Variants in ITGB5 observed in about 807,000 individuals in gnomAD.
ITGB5 encodes the protein integrin subunit beta 5.
A neutral mutation model predicts 84.8 loss-of-function variants in ITGB5; 38 were observed. The observed-to-expected ratio is 0.45, with a 90% confidence interval of 0.35 to 0.59. ITGB5 has a LOEUF of 0.59. Among genes scored for constraint, ITGB5 ranks in the 20% least tolerant of loss-of-function variants. ITGB5 has a pLI of 0.01. For missense variants in ITGB5, 905 were observed against 1,034.5 expected, an observed-to-expected ratio of 0.87 and a Z score of 1.72; for synonymous variants, 393 against 414.4, an observed-to-expected ratio of 0.95 and a Z score of 0.63.
chr3:124,888,732 C>T (rs1934927394), upstream of ITGB5, among the ~76,000 whole-genome samples: 2 of 152,152 alleles, frequency 1.3e-5, no homozygotes, highest in African/African-American at 4.8e-5. Context: ...AAAACTGAAG[C>T]AGTAAGGGGG....
chr3:124,768,908 A>T, intron 12 of ITGB5, 105 bp downstream of exon 12: 1 of 775,808 alleles, frequency 1.3e-6, no homozygotes, highest in South Asian at 1.7e-5. Context: ...GCCCACAGTT[A>T]TGCCCAGGAA....
At chr3:124,812,937 C>T (rs1356714545) in intron 8 of ITGB5, among the ~76,000 whole-genome samples, 1 of 152,206 alleles carries the variant, frequency 6.6e-6, no homozygotes, top group Non-Finnish European at 1.5e-5. Context: ...GAGGTAAAAG[C>T]CAACACCCAC....
rs907459530 is a variant in ITGB5 at position 124,762,070 on chromosome 3, T to C, written c.*1553A>G. 1 of 152,192 alleles carries C rather than the reference T, an allele frequency of 6.6e-6. No individual in the cohort carries two copies. The allele number at this position is 152,192 out of a possible 1,614,324, so 9.4% of individuals were successfully genotyped here. The stretch of plus-strand genomic sequence containing the variant: ...AAAAGGGTTTAACAGTGTCACCAAG[T>C]TACCAGGTCTCTGTTTCATCATATT... On this transcript the variant is annotated 3_prime_UTR_variant, in exon 15 of 15. Transcript: ENST00000296181.
chr3:124,898,180 C>A (rs1935144490), intron 1 of ITGB5, among the ~76,000 whole-genome samples: 1 of 149,958 alleles, frequency 6.7e-6, no homozygotes, highest in East Asian at 2.0e-4. Context: ...AGGTGAGGTC[C>A]ATTGTCCAAA....
rs1015505839 is a variant in ITGB5, at chr3:124,768,888, C to G, written c.2017+125G>C. ...TGGATGATGGTTCCAGCACCGGGTCCTCATGGGGAGCCCACAGTTATGCCC... is the reference window on the plus strand; with the variant it reads ...TGGATGATGGTTCCAGCACCGGGTCGTCATGGGGAGCCCACAGTTATGCCC... On this transcript the variant is annotated intron_variant, in intron 12 of 14. Coordinates refer to ENST00000296181, the MANE Select transcript of ITGB5 (RefSeq NM_002213.5). 1.1e-5 allele frequency: 7 copies of G among 654,438 alleles called. No homozygotes were observed. In the Admixed American group the frequency reaches 1.1e-4, roughly 10 times the overall value. The allele number at this position is 654,438 out of a possible 1,614,324, so 40.5% of individuals were successfully genotyped here.
chr3:124,773,082 T>G (rs1166135597), intron 11 of ITGB5, among the ~76,000 whole-genome samples: 2 of 152,040 alleles, frequency 1.3e-5, no homozygotes, highest in African/African-American at 4.8e-5. Flanking sequence ...ATTTTTGTAT[T>G]TTTAGTAGAG....
chr3:124,773,671 C>T lies in ITGB5; in HGVS notation c.1916+19G>A, dbSNP rs763111248. 3 of 1,607,916 alleles carry T rather than the reference C, an allele frequency of 1.9e-6. No homozygotes were observed. Among genetic ancestry groups the T allele is most frequent in the East Asian group, 4.5e-5 (2 of 44,834 alleles). ...GGCCTGGGTGAGAAGTAAGGTGGGGCTGTCAGTGGAACCAGTACCTCTTGG... is the reference window on the plus strand; with the variant it reads ...GGCCTGGGTGAGAAGTAAGGTGGGGTTGTCAGTGGAACCAGTACCTCTTGG... On this transcript the variant is annotated intron_variant, in intron 11 of 14. Coordinates refer to ENST00000296181, the MANE Select transcript of ITGB5 (RefSeq NM_002213.5).
At chr3:124,799,727 T>C (rs1381096630) in intron 9 of ITGB5, among the ~76,000 whole-genome samples, 1 of 152,130 alleles carries the variant, frequency 6.6e-6, no homozygotes, top group African/African-American at 2.4e-5. Flanking sequence ...GGTTGGTGGA[T>C]TTAGTCATGC....
At chr3:124,798,253 A>G (rs1409792262) in intron 9 of ITGB5, among the ~76,000 whole-genome samples, 4 of 151,660 alleles carry the variant, frequency 2.6e-5, no homozygotes, top group African/African-American at 9.7e-5. Flanking sequence ...GGGTTTCACC[A>G]TGTTGGCCAG....
intron 10 of ITGB5, among the ~76,000 whole-genome samples, chr3:124,794,561 A>AC (rs1182407958): frequency 6.6e-6 from 1 of 152,048 alleles, no homozygotes; most frequent in Admixed American, 6.6e-5. Context: ...TGGGTGGATC[A>AC]CCTGAGGTCA....
At chr3:124,763,764 C>G (rs766221724) in intron 14 of ITGB5, 46 bp from the exon 15 acceptor site, 1 of 1,144,506 alleles carries the variant, frequency 8.7e-7, no homozygotes, top group Non-Finnish European at 1.3e-6. Flanking sequence ...TGTTAGCTCA[C>G]ACACTCAAAC....
intron 10 of ITGB5, chr3:124,791,521 T>C (rs2064150363): frequency 1.3e-5 from 2 of 152,244 alleles, no homozygotes; most frequent in Admixed American, 1.3e-4. Flanking sequence ...CTCCTACTGA[T>C]AGAGAGTCCA....
Position 124,768,002 on chromosome 3 carries a change from G to A in ITGB5, c.2017+1011C>T, listed in dbSNP as rs771549779. Among the ~76,000 whole-genome samples the A allele has an allele frequency of 3.3e-5, 5 of 152,196 alleles. 1 individual carries two copies. In the South Asian group the frequency reaches 6.2e-4, roughly 19 times the overall value. ...GAGGTTTGCCTGAGCCCAGGAGGTC[G>A]AGACTTCCAGTGAGCTATGATGGTG... is the stretch of plus-strand genomic sequence containing the variant. On this transcript the variant is annotated intron_variant, in intron 12 of 14. Coordinates refer to ENST00000296181, the MANE Select transcript of ITGB5 (RefSeq NM_002213.5).
At chr3:124,817,755 G>A in intron 7 of ITGB5, 45 bp from the exon 8 acceptor site, 1 of 1,154,790 alleles carries the variant, frequency 8.7e-7, no homozygotes, top group Non-Finnish European at 1.3e-6. Context: ...ATTTTGCCCT[G>A]CCAACCATCA....
chr3:124,773,398 T>A lies in ITGB5; in HGVS notation c.1916+292A>T, dbSNP rs530893906. On this transcript the variant is annotated intron_variant, in intron 11 of 14. Coordinates refer to ENST00000296181, the MANE Select transcript of ITGB5 (RefSeq NM_002213.5). ...TGCTATTTTTGGTACCAACACCAAT[T>A]TAATTTCATTTAACTCTGTGATTTC... Among the ~76,000 whole-genome samples, 7 of 152,374 alleles carry A rather than the reference T, an allele frequency of 4.6e-5. No individual in the cohort carries two copies. The South Asian group carries it at 1.2e-3, about 27-fold the overall frequency.
At chr3:124,778,182 CAT>C (rs2063951727) in intron 10 of ITGB5, among the ~76,000 whole-genome samples, 1 of 152,234 alleles carries the variant, frequency 6.6e-6, no homozygotes, top group Non-Finnish European at 1.5e-5. Flanking sequence ...TACTGAAGGA[CAT>C]GTGAAATCCC....
chr3:124,798,148 G>A (rs2064262202), intron 9 of ITGB5, among the ~76,000 whole-genome samples: 1 of 142,788 alleles, frequency 7.0e-6, no homozygotes, highest in Non-Finnish European at 1.5e-5. Flanking sequence ...CACCTCCCGG[G>A]TTCAAGCCAT....
chr3:124,836,088 T>C (rs930575302), intron 5 of ITGB5, among the ~76,000 whole-genome samples: 1 of 152,146 alleles, frequency 6.6e-6, no homozygotes, highest in African/African-American at 2.4e-5. Context: ...CTCCCAGATG[T>C]GCTCTCTGAG....
chr3:124,803,369 A>G (rs1322454595), intron 9 of ITGB5, among the ~76,000 whole-genome samples: 1 of 151,944 alleles, frequency 6.6e-6, no homozygotes, highest in African/African-American at 2.4e-5. Context: ...CCCCACTTTG[A>G]GTCTCAGTTT....
Sources: gnomAD v4.1 joint callset for allele counts (sites outside exome capture counted in the v4.1 genomes callset) on GRCh38, gnomAD v4.1.1 for gene constraint, MANE v1.5 for transcripts, NCBI Gene and HGNC (gene_info 2026-07-23, HGNC 2026-07-21) for gene names.